The following UNC13A variants were observed in gnomAD, a reference collection of about 807,000 sequenced individuals.
The protein encoded by UNC13A is unc-13 homolog A.
Under a neutral mutation model 219.7 loss-of-function variants are expected in UNC13A, and 61 were observed. The ratio of observed to expected loss-of-function variants is 0.28; its 90% CI spans 0.23 to 0.34. The LOEUF is 0.34. Among genes scored for constraint, UNC13A ranks in the 10% least tolerant of loss-of-function variants. UNC13A has a pLI of 1.00. For synonymous variants in UNC13A, 920 were observed against 884.6 expected, an observed-to-expected ratio of 1.04 and a Z score of -0.71; for missense variants, 1,476 against 2,270.3, an observed-to-expected ratio of 0.65 and a Z score of 7.11.
chr19:17,654,578 G>GAGCT (rs1420397742), intron 11 of UNC13A, among the ~76,000 whole-genome samples: 3 of 152,172 alleles, frequency 2.0e-5, no homozygotes, highest in African/African-American at 7.2e-5. Flanking sequence ...AGCCCAGGGT[G>GAGCT]AGCTGAATGA....
In UNC13A at chr19:17,654,686, C is replaced by T. The variant is rs191418935; in HGVS notation, c.1392+588G>A. ...CTTGATTCCTACTCCCCTACTGAGC[C>T]GGCCCCAGACCTTTCCCTAACCCTG... On this transcript the variant is annotated intron_variant, in intron 11 of 43. Transcript: ENST00000519716. 2.5e-4 allele frequency among the ~76,000 whole-genome samples: 38 copies of T among 152,228 alleles called. 1 individual carries two copies. The highest frequency in any genetic ancestry group is 1.6e-3 in the Admixed American group (24 of 15,288).
intron 38 of UNC13A, 37 bp from the exon 39 acceptor site, chr19:17,618,999 G>A: frequency 6.2e-7 from 1 of 1,603,732 alleles, no homozygotes; most frequent in Non-Finnish European, 8.5e-7. Context: ...GAGGGCAGGG[G>A]TGCTACAGCT....
At chr19:17,655,592 C>G (rs774080791) in intron 10 of UNC13A, among the ~76,000 whole-genome samples, 3 of 152,178 alleles carry the variant, frequency 2.0e-5, no homozygotes, top group African/African-American at 4.8e-5. Flanking sequence ...CACTGTTCCT[C>G]GGCTTCCTTT....
chr19:17,658,013 C>T, intron 9 of UNC13A, 49 bp downstream of exon 9: 2 of 1,582,356 alleles, frequency 1.3e-6, no homozygotes, highest in Non-Finnish European at 1.7e-6. Context: ...CTCTCCACTC[C>T]AGGAGACACA....
intron 22 of UNC13A, among the ~76,000 whole-genome samples, chr19:17,640,238 C>T (rs546918624): frequency 5.3e-5 from 8 of 152,272 alleles, no homozygotes; most frequent in South Asian, 2.1e-4. Context: ...GGGTTTTCAC[C>T]GTGTTGGCCA....
At position 17,640,581 on chromosome 19, in the gene UNC13A, G is replaced by C. The variant is rs1340218388; in HGVS notation, c.2717C>G (p.Ala906Gly). 1 of 1,572,752 alleles carries C rather than the reference G, an allele frequency of 6.4e-7. No individual in the cohort carries two copies. Among genetic ancestry groups the C allele is most frequent in the Admixed American group, 1.9e-5 (1 of 53,854 alleles). ...GGAGGCGGTGGTGTGTGCGTAGTAG[G>C]CATTGATGTTGGCGAGCAGGGTGCT... Reference protein sequence around the residue: ...VMSTLLANINAYYAHTTASTN... With the variant: ...VMSTLLANINGYYAHTTASTN... The change falls in exon 22 of 44, where the codon GCC becomes GGC. Residue 906 changes from alanine to glycine, a missense_variant. Ala to Gly is a moderately conservative substitution (Grantham distance 60). This residue lies in a region of UNC13A where 140 missense variants were observed against 270.9 expected (regional missense o/e 0.52). Coordinates refer to ENST00000519716, the MANE Select transcript of UNC13A (RefSeq NM_001080421.3).
At chr19:17,606,845 C>T (rs2076537348) in intron 43 of UNC13A, among the ~76,000 whole-genome samples, 1 of 151,328 alleles carries the variant, frequency 6.6e-6, no homozygotes, top group Admixed American at 6.6e-5. Flanking sequence ...AGATGCCCTC[C>T]AGACATGAGC....
chr19:17,640,762 T>G, intron 21 of UNC13A, 101 bp from the exon 22 acceptor site: 1 of 1,310,718 alleles, frequency 7.6e-7, no homozygotes, highest in Non-Finnish European at 1.0e-6. Context: ...AGTGGGTCTC[T>G]GTCACCTCCT....
At chr19:17,672,332 T>C in intron 4 of UNC13A, 46 bp downstream of exon 4, 1 of 1,517,068 alleles carries the variant, frequency 6.6e-7, no homozygotes, top group East Asian at 2.3e-5. Context: ...TCTGGGCTTC[T>C]GCAAGGCACT....
intron 25 of UNC13A, among the ~76,000 whole-genome samples, chr19:17,638,646 G>A (rs150630752): frequency 0.017 from 2,631 of 151,992 alleles, 92 homozygotes; most frequent in African/African-American, 0.06. Flanking sequence ...TGGCCAACAT[G>A]GTGAAACCCC....
intron 3 of UNC13A, 39 bp from the exon 4 acceptor site, chr19:17,672,534 G>A: frequency 6.5e-7 from 1 of 1,547,458 alleles, no homozygotes; most frequent in Non-Finnish European, 8.9e-7. Context: ...GGAGCAGGAG[G>A]GAGGAAACGG....
At position 17,623,564 on chromosome 19, in the gene UNC13A, G is replaced by A. The variant is rs2076751917; in HGVS notation, c.4198-17C>T. ...TACGATCATCTGTCATCCGTGATGG[G>A]GGCGGGGCGGTGGGGGAGGGGGGAA... On this transcript the variant is annotated splice_polypyrimidine_tract_variant and intron_variant, in intron 35 of 43. Coordinates refer to ENST00000519716, the MANE Select transcript of UNC13A (RefSeq NM_001080421.3). 7.1e-7 allele frequency: 1 copy of A among 1,408,396 alleles called. No homozygotes were observed. Among genetic ancestry groups the A allele is most frequent in the Non-Finnish European group, 9.4e-7 (1 of 1,068,746 alleles). The allele number at this position is 1,408,396 out of a possible 1,614,324, so 87.2% of individuals were successfully genotyped here.
intron 1 of UNC13A, among the ~76,000 whole-genome samples, chr19:17,680,601 C>T (rs922777687): frequency 6.6e-6 from 1 of 152,222 alleles, no homozygotes; most frequent in African/African-American, 2.4e-5. Context: ...TGCAGCCTGG[C>T]TTCGCGCCTC....
chr19:17,621,742 C>T, intron 37 of UNC13A, 90 bp downstream of exon 37: 1 of 1,444,814 alleles, frequency 6.9e-7, no homozygotes, highest in Non-Finnish European at 9.7e-7. Context: ...CCCAGCTGCC[C>T]TTCCTGCCCA....
intron 26 of UNC13A, among the ~76,000 whole-genome samples, chr19:17,634,365 G>T (rs555788041): frequency 6.6e-6 from 1 of 152,146 alleles, no homozygotes; most frequent in African/African-American, 2.4e-5. Context: ...TAGAGACGGA[G>T]TCTCACTCTG....
rs1457599592 is a variant in UNC13A, at chr19:17,656,001, G to A, written c.1165C>T (p.Pro389Ser). 6.3e-7 allele frequency: 1 copy of A among 1,579,632 alleles called. No homozygotes were observed. Among genetic ancestry groups the A allele is most frequent in the Non-Finnish European group, 8.6e-7 (1 of 1,163,278 alleles). Residue 389 changes from proline (P) to serine (S), a missense_variant, in exon 10 of 44, where the codon CCA becomes TCA. Pro to Ser is a moderately conservative substitution (Grantham distance 74). This residue lies in a region of UNC13A where 351 missense variants were observed against 342.6 expected (regional missense o/e 1.02). Transcript: ENST00000519716. ...PAAPGKEDKA[P>S]VAPTEAPDMA... Reference sequence around the variant, plus strand: ...TCGGGGGCCTCGGTGGGTGCCACTGGGGCCTTGTCCTCCTTCCCTGGGGCA... The same window carrying A: ...TCGGGGGCCTCGGTGGGTGCCACTGAGGCCTTGTCCTCCTTCCCTGGGGCA...
intron 1 of UNC13A, among the ~76,000 whole-genome samples, chr19:17,687,154 G>T (rs2080129175): frequency 6.6e-6 from 1 of 152,170 alleles, no homozygotes; most frequent in African/African-American, 2.4e-5. Flanking sequence ...GTTCGGTTGG[G>T]CTGGCTTCCC....
intron 29 of UNC13A, 30 bp downstream of exon 29, chr19:17,630,624 A>G (rs1384954137): frequency 6.2e-7 from 1 of 1,611,676 alleles, no homozygotes; most frequent in Admixed American, 1.7e-5. Context: ...TGGGAAGATT[A>G]GGAACTTGGT....
chr19:17,630,038 T>A, intron 30 of UNC13A, 107 bp downstream of exon 30: 1 of 1,278,062 alleles, frequency 7.8e-7, no homozygotes. Flanking sequence ...CTCAATGACA[T>A]CACCAACTCC....
Sources: allele counts gnomAD v4.1 joint callset (sites outside exome capture counted in the v4.1 genomes callset), GRCh38; gene constraint gnomAD v4.1.1; regional missense constraint gnomAD v4.1.1; transcripts MANE v1.5; gene names NCBI Gene and HGNC (gene_info 2026-07-23, HGNC 2026-07-21).